JMJD1C: variants seen among roughly 807,000 people sequenced by gnomAD.
The protein encoded by JMJD1C is jumonji domain-containing protein 1C.
Under a neutral mutation model 245.3 loss-of-function variants are expected in JMJD1C, and 31 were observed. The observed-to-expected ratio is 0.13, with a 90% CI of 0.09 to 0.17. The LOEUF is 0.17. Among genes scored for constraint, JMJD1C ranks in the 10% least tolerant of loss-of-function variants. The pLI, the probability that JMJD1C is intolerant of heterozygous loss-of-function variation, is 1.00. For missense variants in JMJD1C, 2,691 were observed against 3,000.2 expected (o/e 0.90, Z 2.41); for synonymous variants, 1,057 against 1,017.4 (o/e 1.04, Z -0.74).
intron 13 of JMJD1C, among the ~76,000 whole-genome samples, chr10:63,196,924 G>A (rs1589122024): frequency 6.6e-6 from 1 of 151,998 alleles, no homozygotes; most frequent in Non-Finnish European, 1.5e-5. Context: ...AGCCTCCCAG[G>A]TAATTGGGAC....
intron 1 of JMJD1C, among the ~76,000 whole-genome samples, chr10:63,430,286 A>T (rs1411764649): frequency 6.6e-6 from 1 of 152,268 alleles, no homozygotes; most frequent in East Asian, 1.9e-4. Flanking sequence ...GAGTTGGGCA[A>T]TGGTTTCTTA....
intron 2 of JMJD1C, among the ~76,000 whole-genome samples, chr10:63,338,394 A>G (rs937078038): frequency 6.6e-6 from 1 of 151,816 alleles, no homozygotes; most frequent in Non-Finnish European, 1.5e-5. Flanking sequence ...TCAGCCTCCC[A>G]AAGTACTGGG....
intron 1 of JMJD1C, among the ~76,000 whole-genome samples, chr10:63,479,176 A>C (rs954862496): frequency 6.6e-6 from 1 of 152,020 alleles, no homozygotes; most frequent in Non-Finnish European, 1.5e-5. Flanking sequence ...TTGTTTCAAA[A>C]ATTTTCAAAC....
chr10:63,312,402 C>A (rs1230009389), intron 2 of JMJD1C, among the ~76,000 whole-genome samples: 1 of 152,096 alleles, frequency 6.6e-6, no homozygotes, highest in Admixed American at 6.6e-5. Flanking sequence ...GCCACCATGC[C>A]CGGTTGACTA....
chr10:63,358,176 T>C lies in JMJD1C; in HGVS notation c.333+22142A>G, dbSNP rs151139121. On this transcript the variant is annotated intron_variant, in intron 2 of 25. Transcript: ENST00000399262. ...ATGGAAAGGTCAAGGAATCAAGAAATGATTCCAAACTATCATCTATTTTAG... is the reference window on the plus strand; with the variant it reads ...ATGGAAAGGTCAAGGAATCAAGAAACGATTCCAAACTATCATCTATTTTAG... 6.8e-4 allele frequency among the ~76,000 whole-genome samples: 103 copies of C among 152,242 alleles called. 1 individual carries two copies. Among genetic ancestry groups the C allele is most frequent in the African/African-American group, 2.4e-3 (100 of 41,554 alleles).
intron 2 of JMJD1C, among the ~76,000 whole-genome samples, chr10:63,279,033 T>C (rs1378444719): frequency 6.6e-6 from 1 of 152,100 alleles, no homozygotes; most frequent in Admixed American, 6.5e-5. Context: ...CTGGATCACC[T>C]GAGGTCAAGA....
intron 2 of JMJD1C, among the ~76,000 whole-genome samples, chr10:63,341,455 A>C (rs1267206677): frequency 6.6e-6 from 1 of 152,246 alleles, no homozygotes; most frequent in Admixed American, 6.5e-5. Context: ...GGGATACGTT[A>C]ATACAATATG....
At chr10:63,210,232 A>G (rs1025232710) in intron 8 of JMJD1C, among the ~76,000 whole-genome samples, 76 of 152,304 alleles carry the variant, frequency 5.0e-4, no homozygotes, top group African/African-American at 1.7e-3. Flanking sequence ...AATTATGGCA[A>G]TGACAACAAA....
In JMJD1C at chr10:63,465,525, T is replaced by C. The variant is rs771777557; in HGVS notation, c.138A>G (p.Ser46=). 1.0e-5 allele frequency: 16 copies of C among 1,606,092 alleles called. No individual in the cohort carries two copies. In the South Asian group the frequency reaches 1.5e-4, roughly 16 times the overall value. Residue 46 remains serine, a synonymous_variant, in exon 1 of 26, where the codon TCA becomes TCG. Coordinates refer to ENST00000399262, the MANE Select transcript of JMJD1C (RefSeq NM_032776.3). ...GGTCCGGATTGCGGCTGTCCCTGTG[T>C]GACACGGCTCGGATGACCCCCGCTC... ...SWRAGVIRAV[S]HRDSRNPDLA...
chr10:63,431,978 C>T (rs1283603628), intron 1 of JMJD1C, among the ~76,000 whole-genome samples: 1 of 152,154 alleles, frequency 6.6e-6, no homozygotes, highest in African/African-American at 2.4e-5. Context: ...CGTCACTGCA[C>T]TCCAGCCTGG....
chr10:63,418,991 C>T (rs555624671), intron 1 of JMJD1C, among the ~76,000 whole-genome samples: 39 of 147,792 alleles, frequency 2.6e-4, no homozygotes, highest in African/African-American at 9.0e-4. Flanking sequence ...GCAGGAGAAT[C>T]GCCTGAACCC....
intron 2 of JMJD1C, among the ~76,000 whole-genome samples, chr10:63,315,487 C>T (rs929287003): frequency 1.3e-5 from 2 of 152,190 alleles, no homozygotes; most frequent in African/African-American, 4.8e-5. Context: ...GATGAATCCA[C>T]TCAGTTTTTA....
At chr10:63,295,921 A>G (rs1230856422) in intron 2 of JMJD1C, among the ~76,000 whole-genome samples, 1 of 144,492 alleles carries the variant, frequency 6.9e-6, no homozygotes, top group Non-Finnish European at 1.5e-5. Flanking sequence ...GTATGTATAT[A>G]CATGTACATG....
chr10:63,446,906 C>T (rs1056916347), intron 1 of JMJD1C, among the ~76,000 whole-genome samples: 8 of 151,978 alleles, frequency 5.3e-5, no homozygotes, highest in African/African-American at 1.9e-4. Context: ...CCAAAGAAGC[C>T]AAAGATAGAG....
intron 3 of JMJD1C, among the ~76,000 whole-genome samples, chr10:63,239,901 A>G (rs116509236): frequency 3.6e-4 from 55 of 152,298 alleles, no homozygotes; most frequent in African/African-American, 1.3e-3. Flanking sequence ...CTTTTCAATG[A>G]TATCTACTCT....
intron 7 of JMJD1C, 52 bp from the exon 8 acceptor site, chr10:63,215,203 T>A: frequency 6.5e-7 from 1 of 1,531,762 alleles, no homozygotes; most frequent in Non-Finnish European, 8.9e-7. Flanking sequence ...ATAAGCATAT[T>A]TTAAAATGTA....
chr10:63,445,211 G>A (rs1033477472), intron 1 of JMJD1C, among the ~76,000 whole-genome samples: 1 of 152,122 alleles, frequency 6.6e-6, no homozygotes, highest in Non-Finnish European at 1.5e-5. Flanking sequence ...CAGAACAAGA[G>A]CCAGTCTTTA....
intron 3 of JMJD1C, chr10:63,222,734 G>A: frequency 6.5e-7 from 1 of 1,534,334 alleles, no homozygotes; most frequent in Non-Finnish European, 9.0e-7. Flanking sequence ...TCTTTATATA[G>A]GATTTAATGG....
chr10:63,415,903 A>G (rs1480698456), intron 1 of JMJD1C, among the ~76,000 whole-genome samples: 1 of 152,214 alleles, frequency 6.6e-6, no homozygotes, highest in Non-Finnish European at 1.5e-5. Flanking sequence ...CAATCCATGA[A>G]GTTGAAGAAA....
Sources: gnomAD v4.1 joint callset for allele counts (sites outside exome capture counted in the v4.1 genomes callset) on GRCh38, gnomAD v4.1.1 for gene constraint, MANE v1.5 for transcripts, NCBI Gene and HGNC (gene_info 2026-07-23, HGNC 2026-07-21) for gene names.